Variants in PRKAR2A observed in about 807,000 individuals in gnomAD.
The protein encoded by PRKAR2A is protein kinase cAMP-dependent type II regulatory subunit alpha.
PRKAR2A carries 29 observed loss-of-function variants against 51.9 expected under a neutral mutation model. That is an observed-to-expected ratio of 0.56 (90% CI 0.42 to 0.76). The LOEUF (loss-of-function observed/expected upper bound fraction) is 0.76, where lower values mean the gene tolerates loss of function less well. Ranked by LOEUF, PRKAR2A falls within the 30% of genes least tolerant of loss-of-function variation. The probability of loss-of-function intolerance (pLI) is 0.00; values close to 1 mark genes in which losing one functional copy is unlikely to be tolerated. For missense variants in PRKAR2A, 445 were observed against 512.1 expected, an observed-to-expected ratio of 0.87 and a Z score of 1.26; for synonymous variants, 178 against 186.2, an observed-to-expected ratio of 0.96 and a Z score of 0.36.
intron 2 of PRKAR2A, among the ~76,000 whole-genome samples, chr3:48,797,566 G>A (rs767180744): frequency 6.6e-6 from 1 of 152,168 alleles, no homozygotes; most frequent in Non-Finnish European, 1.5e-5. Flanking sequence ...CCTATACCCA[G>A]GACTCTCCCA....
At chr3:48,791,288 A>T in intron 3 of PRKAR2A, among the ~76,000 whole-genome samples, 1 of 134,648 alleles carries the variant, frequency 7.4e-6, no homozygotes, top group Non-Finnish European at 1.6e-5. Context: ...TCCATCTTAA[A>T]AAAAAAAAAA....
intron 8 of PRKAR2A, among the ~76,000 whole-genome samples, chr3:48,759,363 C>G (rs1484928625): frequency 6.6e-6 from 1 of 150,668 alleles, no homozygotes; most frequent in East Asian, 1.9e-4. Flanking sequence ...AAAGAGAGCT[C>G]ACTGGAAGAG....
intron 2 of PRKAR2A, among the ~76,000 whole-genome samples, chr3:48,795,700 C>A (rs2082480486): frequency 6.6e-6 from 1 of 152,142 alleles, no homozygotes; most frequent in Non-Finnish European, 1.5e-5. Context: ...CCACACCCAG[C>A]TAATTTTTGT....
intron 1 of PRKAR2A, among the ~76,000 whole-genome samples, chr3:48,827,177 G>A (rs146139435): frequency 2.0e-5 from 3 of 151,948 alleles, no homozygotes; most frequent in African/African-American, 7.2e-5. Context: ...TTTTTGGGCT[G>A]AGAAACCAAC....
chr3:48,772,497 G>A lies in PRKAR2A; in HGVS notation c.696+458C>T, dbSNP rs558924685. Among the ~76,000 whole-genome samples the A allele has an allele frequency of 2.4e-3, 367 of 152,232 alleles. 3 individuals carry two copies. The highest frequency in any genetic ancestry group is 8.4e-3 in the African/African-American group (348 of 41,536). On this transcript the variant is annotated intron_variant, in intron 6 of 10. Transcript: ENST00000265563. Reference sequence around the variant, plus strand: ...GCTGGGATTACAGGTGTGAGTCACCGTGCCTGGCCCCCATTATTTATTATT... The same window carrying A: ...GCTGGGATTACAGGTGTGAGTCACCATGCCTGGCCCCCATTATTTATTATT...
intron 1 of PRKAR2A, among the ~76,000 whole-genome samples, chr3:48,833,901 G>A (rs1004368460): frequency 6.6e-6 from 1 of 151,600 alleles, no homozygotes; most frequent in Non-Finnish European, 1.5e-5. Context: ...GCCGGGCATG[G>A]TGGTGTGCAC....
At chr3:48,810,104 A>G (rs2082746893) in intron 1 of PRKAR2A, among the ~76,000 whole-genome samples, 1 of 152,036 alleles carries the variant, frequency 6.6e-6, no homozygotes, top group Admixed American at 6.6e-5. Context: ...TGATCTTAAC[A>G]TTGAGAAGGA....
At chr3:48,794,557 T>C (rs1175551648) in intron 2 of PRKAR2A, among the ~76,000 whole-genome samples, 1 of 151,622 alleles carries the variant, frequency 6.6e-6, no homozygotes, top group Non-Finnish European at 1.5e-5. Flanking sequence ...TAGCTGGGCG[T>C]GGTGGTGTGC....
chr3:48,789,650 C>T (rs570880327), intron 4 of PRKAR2A, among the ~76,000 whole-genome samples: 2 of 152,048 alleles, frequency 1.3e-5, no homozygotes, highest in East Asian at 3.9e-4. Context: ...ACTACCACAC[C>T]TGGCTAATTT....
intron 1 of PRKAR2A, among the ~76,000 whole-genome samples, chr3:48,828,163 G>A (rs995789360): frequency 6.6e-6 from 1 of 152,128 alleles, no homozygotes; most frequent in Non-Finnish European, 1.5e-5. Flanking sequence ...AACGCACATG[G>A]CCCAACTTTA....
At chr3:48,824,612 G>A (rs2083029321) in intron 1 of PRKAR2A, among the ~76,000 whole-genome samples, 1 of 150,618 alleles carries the variant, frequency 6.6e-6, no homozygotes, top group African/African-American at 2.4e-5. Context: ...AAAGAACCCT[G>A]CACATGTACC....
At chr3:48,777,161 C>T (rs943490961) in intron 5 of PRKAR2A, among the ~76,000 whole-genome samples, 1 of 152,138 alleles carries the variant, frequency 6.6e-6, no homozygotes, top group Non-Finnish European at 1.5e-5. Flanking sequence ...CCAAGACAGT[C>T]ATCTCGCCTG....
intron 6 of PRKAR2A, 130 bp from the exon 7 acceptor site, chr3:48,765,479 T>C (rs2081927705): frequency 6.0e-6 from 4 of 665,672 alleles, no homozygotes; most frequent in Non-Finnish European, 9.9e-6. Context: ...TAATGATACT[T>C]CAATCTTGAG....
At chr3:48,819,920 G>A (rs966878888) in intron 1 of PRKAR2A, among the ~76,000 whole-genome samples, 1 of 152,120 alleles carries the variant, frequency 6.6e-6, no homozygotes, top group Non-Finnish European at 1.5e-5. Context: ...CTTTAGGAGT[G>A]GCCTCTCACA....
intron 1 of PRKAR2A, among the ~76,000 whole-genome samples, chr3:48,809,130 T>C (rs2082729489): frequency 6.6e-6 from 1 of 152,210 alleles, no homozygotes; most frequent in African/African-American, 2.4e-5. Context: ...GCAGCGGACA[T>C]AGCACTTCTG....
chr3:48,757,297 C>T (rs1429375992), intron 8 of PRKAR2A, among the ~76,000 whole-genome samples: 1 of 152,176 alleles, frequency 6.6e-6, no homozygotes, highest in Non-Finnish European at 1.5e-5. Flanking sequence ...AAAGTGGTCA[C>T]ATTTCAAGGC....
chr3:48,798,785 T>G (rs956169165), intron 2 of PRKAR2A, among the ~76,000 whole-genome samples: 10 of 151,946 alleles, frequency 6.6e-5, no homozygotes, highest in African/African-American at 2.4e-4. Context: ...CTCAGCCTCC[T>G]GAGTAGCTGG....
intron 9 of PRKAR2A, among the ~76,000 whole-genome samples, chr3:48,755,780 C>CTTT (rs1160883747): frequency 7.5e-6 from 1 of 133,490 alleles, no homozygotes; most frequent in Non-Finnish European, 1.6e-5. Context: ...CCCCCATTTC[C>CTTT]TTTTTTTTTT....
At chr3:48,772,883 C>A in intron 6 of PRKAR2A, 72 bp downstream of exon 6, 1 of 1,445,872 alleles carries the variant, frequency 6.9e-7, no homozygotes, top group Non-Finnish European at 9.3e-7. Context: ...TGTAAATCAA[C>A]AGCCCAAGGA....
Sources: gnomAD v4.1 joint callset for allele counts (sites outside exome capture counted in the v4.1 genomes callset) on GRCh38, gnomAD v4.1.1 for gene constraint, MANE v1.5 for transcripts, NCBI Gene and HGNC (gene_info 2026-07-23, HGNC 2026-07-21) for gene names.